PCDHGA4: variants seen among roughly 807,000 people sequenced by gnomAD.
PCDHGA4 encodes protocadherin gamma subfamily A, 4.
In PCDHGA4, 38 loss-of-function variants were observed where a neutral mutation model predicts 54.6. That is an observed-to-expected ratio of 0.70 (90% CI 0.54 to 0.91). PCDHGA4 has a LOEUF of 0.91. PCDHGA4 is among the 40% of genes least tolerant of loss of function. The pLI is 0.00. For synonymous variants in PCDHGA4, 511 were observed against 512.9 expected, an observed-to-expected ratio of 1.00 and a Z score of 0.05; for missense variants, 1,298 against 1,220.9, an observed-to-expected ratio of 1.06 and a Z score of -0.94.
chr5:141,492,384 C>G (rs1001189412), intron 1 of PCDHGA4, among the ~76,000 whole-genome samples: 1 of 152,230 alleles, frequency 6.6e-6, no homozygotes, highest in Non-Finnish European at 1.5e-5. Context: ...AGGCCTGTTC[C>G]GGTCCACTCG....
intron 1 of PCDHGA4, chr5:141,391,541 G>T (rs2092385789): frequency 6.6e-6 from 1 of 152,056 alleles, no homozygotes; most frequent in South Asian, 2.1e-4. Flanking sequence ...GGTTTCCATT[G>T]TCTACCCAGT....
At chr5:141,362,069 C>T in intron 1 of PCDHGA4, 1 of 1,612,628 alleles carries the variant, frequency 6.2e-7, no homozygotes, top group African/African-American at 1.3e-5. Context: ...CTGCTGGTCG[C>T]TGTGCGTGAT....
At chr5:141,398,534 A>T in intron 1 of PCDHGA4, 1 of 1,613,768 alleles carries the variant, frequency 6.2e-7, no homozygotes, top group South Asian at 1.1e-5. Flanking sequence ...TTCACGCAAA[A>T]TTCCTTTGAG....
chr5:141,367,386 A>T (rs549241556), intron 1 of PCDHGA4: 1 of 152,182 alleles, frequency 6.6e-6, no homozygotes, highest in South Asian at 2.1e-4. Flanking sequence ...AAATACAAAA[A>T]ATTAGCCGGG....
At chr5:141,386,383 A>C (rs980668572) in intron 1 of PCDHGA4, among the ~76,000 whole-genome samples, 5 of 152,206 alleles carry the variant, frequency 3.3e-5, no homozygotes, top group Admixed American at 2.6e-4. Context: ...GTATTAATTA[A>C]AAACACACTT....
At chr5:141,445,313 T>C (rs1186654847) in intron 1 of PCDHGA4, among the ~76,000 whole-genome samples, 8 of 152,328 alleles carry the variant, frequency 5.3e-5, no homozygotes, top group Non-Finnish European at 4.4e-5. Flanking sequence ...GTTTGTAGGT[T>C]GAGAGAACCC....
At chr5:141,438,571 TATACATACATAC>T (rs1212381177) in intron 1 of PCDHGA4, among the ~76,000 whole-genome samples, 4 of 94,544 alleles carry the variant, frequency 4.2e-5, no homozygotes, top group African/African-American at 9.7e-5. Context: ...AGCTGTCTGA[TATACATACATAC>T]ATACATACAT....
In PCDHGA4 at chr5:141,383,423, A is replaced by G. The variant is rs373117845; in HGVS notation, c.2514+25802A>G. 86 of 1,613,864 alleles carry G rather than the reference A, an allele frequency of 5.3e-5. No individual in the cohort carries two copies. The highest frequency in any genetic ancestry group is 1.6e-4 in the Middle Eastern group (1 of 6,084). On this transcript the variant is annotated intron_variant, in intron 1 of 3. Transcript: ENST00000571252. ...CTCCAGAGTTACCAGCTCAGCCCCAATCGCCACTTCTCCCTGGCTGTGCAA... is the reference window on the plus strand; with the variant it reads ...CTCCAGAGTTACCAGCTCAGCCCCAGTCGCCACTTCTCCCTGGCTGTGCAA...
Position 141,477,741 on chromosome 5 carries a change from G to A in PCDHGA4, c.2515-17066G>A, listed in dbSNP as rs1438249932. On this transcript the variant is annotated intron_variant, in intron 1 of 3. Transcript: ENST00000571252. The surrounding 1 kb of genome is among the most constrained non-coding windows in gnomAD (Gnocchi z 4.9). ...GAATTAACAGCTCATATCAGCGATG[G>A]GGGCACCCCGGTCCTAGCCACCAAC... is the stretch of plus-strand genomic sequence containing the variant. 4 of 1,613,802 alleles carry A rather than the reference G, an allele frequency of 2.5e-6. No individual in the cohort carries two copies. The highest frequency in any genetic ancestry group is 1.7e-5 in the Admixed American group (1 of 60,026).
In PCDHGA4 at chr5:141,431,187, G is replaced by C. The variant is rs748150837; in HGVS notation, c.2515-63620G>C. On this transcript the variant is annotated intron_variant, in intron 1 of 3. Transcript: ENST00000571252. This position sits in a 1 kb window ranked among gnomAD's most constrained non-coding sequence, Gnocchi z 4.8. ...GAAAGTGAATTAGAAATAAAAATTAGTGAAAATGCAGCCACTGAGATGCGG... is the reference window on the plus strand; with the variant it reads ...GAAAGTGAATTAGAAATAAAAATTACTGAAAATGCAGCCACTGAGATGCGG... 4.3e-6 allele frequency: 7 copies of C among 1,614,102 alleles called. No homozygotes were observed. The Admixed American group carries it at 1.2e-4, about 27-fold the overall frequency.
chr5:141,374,993 TC>T, intron 1 of PCDHGA4: 1 of 1,614,056 alleles, frequency 6.2e-7, no homozygotes, highest in Non-Finnish European at 8.5e-7. Context: ...AATTTCAACT[TC>T]TGCAAATCTA....
chr5:141,359,491 C>T (rs553300282), intron 1 of PCDHGA4, among the ~76,000 whole-genome samples: 25 of 150,570 alleles, frequency 1.7e-4, no homozygotes, highest in African/African-American at 5.4e-4. Context: ...ATTCATATTA[C>T]GGACTACTAG....
At chr5:141,409,589 G>A (rs1487343349) in intron 1 of PCDHGA4, 12 of 1,613,758 alleles carry the variant, frequency 7.4e-6, no homozygotes, top group East Asian at 4.5e-5. Flanking sequence ...CCACGTGGCC[G>A]AGAACAACCC....
intron 1 of PCDHGA4, chr5:141,398,612 T>C (rs756084003): frequency 2.5e-6 from 4 of 1,614,024 alleles, no homozygotes; most frequent in East Asian, 2.2e-5. Flanking sequence ...GATGCAGATA[T>C]TGGCTTAAAC....
chr5:141,498,994 AAGG>A (rs1310594976), intron 2 of PCDHGA4, among the ~76,000 whole-genome samples: 4 of 148,560 alleles, frequency 2.7e-5, no homozygotes, highest in Non-Finnish European at 4.5e-5. Flanking sequence ...GGAAGGAAGG[AAGG>A]AAGGAAGGAA....
intron 1 of PCDHGA4, among the ~76,000 whole-genome samples, chr5:141,473,661 G>T (rs935648567): frequency 2.6e-5 from 4 of 152,172 alleles, no homozygotes; most frequent in Non-Finnish European, 4.4e-5. Context: ...TTGTGTGAAG[G>T]CCCTGAGACA....
chr5:141,373,575 A>C (rs1769694796), intron 1 of PCDHGA4, among the ~76,000 whole-genome samples: 1 of 152,236 alleles, frequency 6.6e-6, no homozygotes, highest in African/African-American at 2.4e-5. Flanking sequence ...GACTAGCATA[A>C]ATGGTGGTGA....
At chr5:141,395,053 A>G (rs1210765378) in intron 1 of PCDHGA4, 1 of 1,614,062 alleles carries the variant, frequency 6.2e-7, no homozygotes, top group African/African-American at 1.3e-5. Flanking sequence ...GAGGAGGTAC[A>G]GGCTTTCCTG....
chr5:141,404,215 G>A, intron 1 of PCDHGA4: 1 of 1,613,346 alleles, frequency 6.2e-7, no homozygotes, highest in Non-Finnish European at 8.5e-7. Context: ...ATAATATCAC[G>A]GTGACTGCAA....
Sources: gnomAD v4.1 joint callset for allele counts (sites outside exome capture counted in the v4.1 genomes callset) on GRCh38, gnomAD v4.1.1 for gene constraint, Gnocchi (gnomAD v3.1) non-coding constraint, MANE v1.5 for transcripts, NCBI Gene and HGNC (gene_info 2026-07-23, HGNC 2026-07-21) for gene names.